The following FBXO46 variants were observed in gnomAD, a reference collection of about 807,000 sequenced individuals.
FBXO46 encodes the protein F-box protein 46.
In FBXO46, 13 loss-of-function variants were observed where a neutral mutation model predicts 30.7. The observed-to-expected ratio is 0.42, with a 90% CI of 0.28 to 0.67. The LOEUF is 0.67. FBXO46 is among the 30% of genes least tolerant of loss of function. FBXO46 has a pLI of 0.21. For missense variants in FBXO46, 754 were observed against 871.5 expected (o/e 0.87, Z 1.70); for synonymous variants, 467 against 385.8 (o/e 1.21, Z -2.47).
chr19:45,718,066 C>T (rs1047198853), intron 1 of FBXO46, among the ~76,000 whole-genome samples: 2 of 152,166 alleles, frequency 1.3e-5, no homozygotes, highest in East Asian at 1.9e-4. Flanking sequence ...TGGTGAGAAC[C>T]TGCCATGGCT....
chr19:45,730,092 C>A lies in FBXO46; in HGVS notation c.-79+757G>T, dbSNP rs774753068. Among the ~76,000 whole-genome samples the A allele has an allele frequency of 8.6e-4, 131 of 152,096 alleles. 1 individual carries two copies. The highest frequency in any genetic ancestry group is 1.7e-3 in the Non-Finnish European group (115 of 68,002). On this transcript the variant is annotated intron_variant, in intron 1 of 1. Coordinates refer to ENST00000317683, the MANE Select transcript of FBXO46 (RefSeq NM_001080469.2). ...CTACAGATAAGGGCACTGAGGCTCACAGATTTGTCCATGGCACAAAGGGGT... is the reference window on the plus strand; with the variant it reads ...CTACAGATAAGGGCACTGAGGCTCAAAGATTTGTCCATGGCACAAAGGGGT...
rs1163574892 is a variant in FBXO46, at chr19:45,711,766, C to A, written c.1730G>T (p.Arg577Leu). Residue 577 changes from arginine (R) to leucine (L), a missense_variant, in exon 2 of 2, where the codon CGC (arginine) becomes CTC (leucine). Transcript: ENST00000317683. ...CCAGTTGTTATCGTGGAGGCCCAGG[C>A]GGCAGCCGGGAGTCTCGCGGTCGGC... ...RRADRETPGC[R>L]LGLHDNNWVL... 5 of 1,590,736 alleles carry A rather than the reference C, an allele frequency of 3.1e-6. No homozygotes were observed. The highest frequency in any genetic ancestry group is 4.3e-6 in the Non-Finnish European group (5 of 1,171,986).
chr19:45,712,886 C>G lies in FBXO46; in HGVS notation c.610G>C (p.Ala204Pro), dbSNP rs375383163. The G allele has an allele frequency of 8.7e-6, 14 of 1,613,360 alleles. No homozygotes were observed. The highest frequency in any genetic ancestry group is 3.3e-5 in the Admixed American group (2 of 59,972). The change falls in exon 2 of 2, where the codon GCC becomes CCC. Residue 204 changes from alanine to proline, a missense_variant. By Grantham distance (27) the Ala-to-Pro change is conservative. Coordinates refer to ENST00000317683, the MANE Select transcript of FBXO46 (RefSeq NM_001080469.2). This position sits in a 1 kb window ranked among gnomAD's most constrained non-coding sequence, Gnocchi z 8.8. The part of the protein sequence containing the change: ...TTPAPVVFVS[A>P]EQGGPAKGVG... ...CCCTTGGCCGGTCCACCTTGCTCGGCGGACACAAAGACTACAGGCGCTGGG... is the reference window on the plus strand; with the variant it reads ...CCCTTGGCCGGTCCACCTTGCTCGGGGGACACAAAGACTACAGGCGCTGGG...
chr19:45,724,858 G>A lies in FBXO46; in HGVS notation c.-79+5991C>T, dbSNP rs933329082. On this transcript the variant is annotated intron_variant, in intron 1 of 1. Transcript: ENST00000317683. The stretch of plus-strand genomic sequence containing the variant: ...AGTAGAGATGGGGTTTCACCGTGTT[G>A]GCCAGGCTGGTCACAAGCTCCTGAC... 4.6e-5 allele frequency among the ~76,000 whole-genome samples: 7 copies of A among 152,072 alleles called. No homozygotes were observed. The East Asian group carries it at 1.2e-3, about 25-fold the overall frequency.
At chr19:45,722,620 G>A (rs1021327884) in intron 1 of FBXO46, among the ~76,000 whole-genome samples, 2 of 152,138 alleles carry the variant, frequency 1.3e-5, no homozygotes, top group African/African-American at 2.4e-5. Flanking sequence ...AAATTAGCTG[G>A]GTGTGGTGGC....
At chr19:45,731,495 T>G (rs1968311892), upstream of FBXO46, among the ~76,000 whole-genome samples, 1 of 151,570 alleles carries the variant, frequency 6.6e-6, no homozygotes, top group Non-Finnish European at 1.5e-5. Context: ...TTTTGTATTT[T>G]TAGTAAAAAC....
At position 45,712,783 on chromosome 19, in the gene FBXO46, C is replaced by T. The variant is rs1730112213; in HGVS notation, c.713G>A (p.Arg238Lys). 1 of 1,611,646 alleles carries T rather than the reference C, an allele frequency of 6.2e-7. No individual in the cohort carries two copies. The highest frequency in any genetic ancestry group is 1.3e-5 in the African/African-American group (1 of 75,020). ...GAGGCCCTTGGTGGGAGGGCTGTCC[C>T]TCTGCGCTTCAAAGTGGGCCACGGC... ...AEAVAHFEAQ[R>K]DSPPTKGLRK... The change falls in exon 2 of 2, where the codon AGG (arginine) becomes AAG (lysine). Residue 238 changes from arginine to lysine, a missense_variant. Physicochemically the swap from Arg to Lys is conservative, Grantham distance 26. This residue lies in a region of FBXO46 where 454 missense variants were observed against 426.5 expected (regional missense o/e 1.06). Transcript: ENST00000317683. The surrounding 1 kb of genome is among the most constrained non-coding windows in gnomAD (Gnocchi z 8.8).
intron 1 of FBXO46, chr19:45,715,051 A>G (rs1968070067): frequency 6.6e-6 from 1 of 152,182 alleles, no homozygotes; most frequent in African/African-American, 2.4e-5. Context: ...TCTCAACTTG[A>G]TTTCTGGACT....
In FBXO46 at chr19:45,724,495, G is replaced by A. The variant is rs530740320; in HGVS notation, c.-79+6354C>T. 3.9e-5 allele frequency among the ~76,000 whole-genome samples: 6 copies of A among 152,262 alleles called. No homozygotes were observed. In the East Asian group the frequency reaches 1.2e-3, roughly 29 times the overall value. ...GAGTCTGCACCCAATACAGGCGCTG[G>A]CACATGGTAAGTGCTCTATTAACAC... On this transcript the variant is annotated intron_variant, in intron 1 of 1. Transcript: ENST00000317683.
rs550611215 is a variant in FBXO46 at position 45,714,375 on chromosome 19, CTTTTTT to C, written c.-78-808_-78-803del. The stretch of plus-strand genomic sequence containing the variant: ...ACAAGCACTTAAGAAATCGGCTTTT[CTTTTTT>C]TTTTTCAGGTAGTGGGGCTTAATGA... On this transcript the variant is annotated intron_variant, in intron 1 of 1. Coordinates refer to ENST00000317683, the MANE Select transcript of FBXO46 (RefSeq NM_001080469.2). The C allele has an allele frequency of 2.0e-5, 3 of 146,518 alleles. No individual in the cohort carries two copies. The Admixed American group carries it at 2.1e-4, about 10-fold the overall frequency. 9.1% of individuals were successfully genotyped at this position (146,518 alleles called of 1,614,324 possible).
chr19:45,732,730 A>G (rs890444538), upstream of FBXO46, among the ~76,000 whole-genome samples: 2 of 151,294 alleles, frequency 1.3e-5, no homozygotes, highest in African/African-American at 4.9e-5. Context: ...AGTTGGGACT[A>G]CAGGCGCGCC....
chr19:45,728,804 C>T (rs1490433558), intron 1 of FBXO46, among the ~76,000 whole-genome samples: 1 of 152,102 alleles, frequency 6.6e-6, no homozygotes, highest in Non-Finnish European at 1.5e-5. Context: ...CCACTGCATT[C>T]CAGCCTGTCT....
At chr19:45,724,622 T>C (rs57947504) in intron 1 of FBXO46, among the ~76,000 whole-genome samples, 69,160 of 151,630 alleles carry the variant, frequency 0.46, 16,547 homozygotes, top group East Asian at 0.79. Context: ...GCCTGGGCAA[T>C]ATAGCAAGAC....
chr19:45,731,141 A>G (rs1024054179), upstream of FBXO46, among the ~76,000 whole-genome samples: 2 of 152,196 alleles, frequency 1.3e-5, no homozygotes, highest in East Asian at 1.9e-4. Context: ...GAGTCTAGCC[A>G]GGAGGGCTCC....
chr19:45,712,335 G>C lies in FBXO46; in HGVS notation c.1161C>G (p.Asn387Lys). ...TCAGGCACACAGTCTCCTCCTTCAC[G>C]TTCTTGGTGCCGTCCTTGCCAAAGA... ...CIFFGKDGTK[N>K]VKEETVCLTV... is the part of the protein sequence containing the mutation. The change falls in exon 2 of 2, where the codon AAC becomes AAG. Residue 387 changes from asparagine to lysine, a missense_variant. By Grantham distance (94) the Asn-to-Lys change is moderately conservative. Transcript: ENST00000317683. This position sits in a 1 kb window ranked among gnomAD's most constrained non-coding sequence, Gnocchi z 8.8. The C allele has an allele frequency of 6.2e-7, 1 of 1,601,662 alleles. No homozygotes were observed. The highest frequency in any genetic ancestry group is 8.5e-7 in the Non-Finnish European group (1 of 1,179,630).
At chr19:45,724,307 T>TA (rs1156903199) in intron 1 of FBXO46, among the ~76,000 whole-genome samples, 4 of 152,206 alleles carry the variant, frequency 2.6e-5, no homozygotes, top group Non-Finnish European at 4.4e-5. Flanking sequence ...GACAGAATGT[T>TA]AAAAAATCCA....
In FBXO46 at chr19:45,712,229, G is replaced by C. The variant is rs772350050; in HGVS notation, c.1267C>G (p.Pro423Ala). ...NRGPDGPPEPPPADSPATAPG... is the reference protein window; with the variant it reads ...NRGPDGPPEPAPADSPATAPG... ...GCAGTGGCCGGGGAGTCGGCCGGGG[G>C]TGGCTCCGGGGGCCCGTCCGGCCCG... is the stretch of plus-strand genomic sequence containing the variant. Residue 423 changes from proline to alanine, a missense_variant, in exon 2 of 2, where the codon CCC (proline) becomes GCC (alanine). Physicochemically the swap from Pro to Ala is conservative, Grantham distance 27. Coordinates refer to ENST00000317683, the MANE Select transcript of FBXO46 (RefSeq NM_001080469.2). The surrounding 1 kb of genome is among the most constrained non-coding windows in gnomAD (Gnocchi z 8.8). 1.0e-5 allele frequency: 16 copies of C among 1,605,362 alleles called. No homozygotes were observed. The highest frequency in any genetic ancestry group is 1.7e-5 in the Admixed American group (1 of 59,672).
rs1442334049 is a variant in FBXO46, at chr19:45,712,440, A to AGGGGGCGCC, written c.1047_1055dup (p.Ala350_Pro352dup). 4 of 1,610,718 alleles carry AGGGGGCGCC rather than the reference A, an allele frequency of 2.5e-6. No homozygotes were observed. Among genetic ancestry groups the AGGGGGCGCC allele is most frequent in the African/African-American group, 1.3e-5 (1 of 74,838 alleles). On this transcript the variant is annotated inframe_insertion, in exon 2 of 2. Coordinates refer to ENST00000317683, the MANE Select transcript of FBXO46 (RefSeq NM_001080469.2). The surrounding 1 kb of genome is among the most constrained non-coding windows in gnomAD (Gnocchi z 8.8). ...CTCCGCAGTCCCGGGCAGGGGGCGG[A>AGGGGGCGCC]GGGGGCGCCGGGGGAGTGTCCTCAG...
chr19:45,728,855 G>A (rs1049424723), intron 1 of FBXO46, among the ~76,000 whole-genome samples: 9 of 152,106 alleles, frequency 5.9e-5, no homozygotes, highest in African/African-American at 1.9e-4. Flanking sequence ...AAATAAAAAG[G>A]CTGCGCGCAG....
Sources: allele counts gnomAD v4.1 joint callset (sites outside exome capture counted in the v4.1 genomes callset), GRCh38; gene constraint gnomAD v4.1.1; regional missense constraint gnomAD v4.1.1; non-coding constraint Gnocchi (gnomAD v3.1); transcripts MANE v1.5; gene names NCBI Gene and HGNC (gene_info 2026-07-23, HGNC 2026-07-21).